The following TRPM3 variants were observed in gnomAD, a reference collection of about 807,000 sequenced individuals.
TRPM3 encodes transient receptor potential cation channel subfamily M member 3, also known as long transient receptor potential channel 3.
Under a neutral mutation model 181.2 loss-of-function variants are expected in TRPM3, and 77 were observed. The observed-to-expected ratio is 0.42, with a 90% CI of 0.35 to 0.51. The LOEUF (loss-of-function observed/expected upper bound fraction) is 0.51. Ranked by LOEUF, TRPM3 falls within the 20% of genes least tolerant of loss-of-function variation. TRPM3 has a pLI of 0.01. For missense variants in TRPM3, 1,759 were observed against 2,196.7 expected, an observed-to-expected ratio of 0.80 and a Z score of 3.98; for synonymous variants, 745 against 796.4, an observed-to-expected ratio of 0.94 and a Z score of 1.09.
At chr9:71,293,624 A>C (rs1285275348) in intron 1 of TRPM3, among the ~76,000 whole-genome samples, 1 of 151,726 alleles carries the variant, frequency 6.6e-6, no homozygotes, top group Non-Finnish European at 1.5e-5. Context: ...AAAGCTCAAT[A>C]TTGTAAAGGT....
intron 22 of TRPM3, among the ~76,000 whole-genome samples, chr9:70,566,365 G>A (rs1469702951): frequency 6.6e-6 from 1 of 152,074 alleles, no homozygotes; most frequent in Non-Finnish European, 1.5e-5. Context: ...TACATCCTGT[G>A]AGCACAAGAA....
At chr9:70,969,953 G>A (rs1463810250) in intron 1 of TRPM3, among the ~76,000 whole-genome samples, 8 of 151,764 alleles carry the variant, frequency 5.3e-5, no homozygotes, top group Admixed American at 1.3e-4. Context: ...TATAGGTCTC[G>A]ACACTATACA....
chr9:71,311,353 G>T (rs2087912437), intron 1 of TRPM3, among the ~76,000 whole-genome samples: 1 of 152,094 alleles, frequency 6.6e-6, no homozygotes, highest in South Asian at 2.1e-4. Flanking sequence ...CCAGACAGAA[G>T]AAACTGTGAG....
At chr9:70,845,396 C>T (rs904067285) in intron 4 of TRPM3, among the ~76,000 whole-genome samples, 1 of 152,014 alleles carries the variant, frequency 6.6e-6, no homozygotes, top group South Asian at 2.1e-4. Flanking sequence ...CCTGCCACCA[C>T]GCCGGGCTAA....
chr9:71,225,438 T>C (rs1460127358), intron 1 of TRPM3, among the ~76,000 whole-genome samples: 1 of 152,088 alleles, frequency 6.6e-6, no homozygotes, highest in Non-Finnish European at 1.5e-5. Flanking sequence ...CAAAAGCTAA[T>C]GGATTCCATC....
chr9:71,063,290 C>T lies in TRPM3; in HGVS notation c.177+57888G>A, dbSNP rs1047234901. On this transcript the variant is annotated intron_variant, in intron 1 of 25. Transcript: ENST00000677713. The stretch of plus-strand genomic sequence containing the variant: ...TATGCAGGTGCTCCTTGATGGTGAT[C>T]AATAGCTTAGCTGAGTACAGTTAGA... Among the ~76,000 whole-genome samples, 6 of 152,112 alleles carry T rather than the reference C, an allele frequency of 3.9e-5. No individual in the cohort carries two copies. In the East Asian group the frequency reaches 1.2e-3, roughly 29 times the overall value.
At chr9:71,368,615 T>C (rs2092414699) in intron 1 of TRPM3, among the ~76,000 whole-genome samples, 1 of 152,192 alleles carries the variant, frequency 6.6e-6, no homozygotes, top group Non-Finnish European at 1.5e-5. Context: ...TTTTTAATAA[T>C]AAATATCTCC....
At chr9:71,333,535 G>A (rs2090358497) in intron 1 of TRPM3, among the ~76,000 whole-genome samples, 1 of 151,988 alleles carries the variant, frequency 6.6e-6, no homozygotes, top group African/African-American at 2.4e-5. Flanking sequence ...GTGATAAGTT[G>A]CCCTGTGGGG....
intron 1 of TRPM3, among the ~76,000 whole-genome samples, chr9:70,881,606 A>G (rs563826848): frequency 1.3e-5 from 2 of 152,340 alleles, no homozygotes; most frequent in Admixed American, 1.3e-4. Flanking sequence ...TTTGGTAAGT[A>G]CCATCGAGTG....
intron 1 of TRPM3, among the ~76,000 whole-genome samples, chr9:70,904,411 C>G (rs1251742140): frequency 6.6e-6 from 1 of 152,206 alleles, no homozygotes; most frequent in African/African-American, 2.4e-5. Context: ...TCCACTTTCT[C>G]TAATTCACTG....
intron 1 of TRPM3, among the ~76,000 whole-genome samples, chr9:71,432,033 G>A (rs909726175): frequency 3.9e-5 from 6 of 152,140 alleles, no homozygotes; most frequent in Non-Finnish European, 8.8e-5. Context: ...CAAAGGACCC[G>A]ATTATACTCT....
At chr9:71,306,835 T>C (rs922075581) in intron 1 of TRPM3, among the ~76,000 whole-genome samples, 23 of 152,332 alleles carry the variant, frequency 1.5e-4, no homozygotes, top group Admixed American at 2.0e-4. Context: ...ATCGCGCCAC[T>C]GCACTCCAGC....
chr9:71,088,131 T>A (rs1202592008), intron 1 of TRPM3, among the ~76,000 whole-genome samples: 1 of 152,096 alleles, frequency 6.6e-6, no homozygotes, highest in Non-Finnish European at 1.5e-5. Flanking sequence ...GTAAAAAACA[T>A]GTCGGGTTAC....
chr9:71,130,061 T>C (rs112072970), intron 1 of TRPM3, among the ~76,000 whole-genome samples: 224 of 152,338 alleles, frequency 1.5e-3, no homozygotes, highest in African/African-American at 5.1e-3. Context: ...TTTTTAAACA[T>C]ATACAAACTC....
At chr9:70,650,859 C>T (rs2059513281) in intron 9 of TRPM3, among the ~76,000 whole-genome samples, 1 of 152,194 alleles carries the variant, frequency 6.6e-6, no homozygotes, top group Non-Finnish European at 1.5e-5. Context: ...TTTGCTGCCT[C>T]ATCTACTCTT....
At chr9:71,038,713 C>T (rs946060013) in intron 1 of TRPM3, among the ~76,000 whole-genome samples, 7 of 152,104 alleles carry the variant, frequency 4.6e-5, no homozygotes, top group Admixed American at 2.6e-4. Context: ...CCTTATGGAA[C>T]TTACAGTCCA....
chr9:70,832,524 A>T (rs2094008321), intron 5 of TRPM3, among the ~76,000 whole-genome samples: 1 of 152,154 alleles, frequency 6.6e-6, no homozygotes, highest in African/African-American at 2.4e-5. Context: ...TTTGACTTTG[A>T]AACAAAGAGG....
intron 1 of TRPM3, among the ~76,000 whole-genome samples, chr9:71,290,825 G>A (rs968940006): frequency 6.6e-6 from 1 of 151,362 alleles, no homozygotes; most frequent in Admixed American, 6.6e-5. Flanking sequence ...TTATTAAACT[G>A]TATAGGACCT....
At chr9:70,869,996 G>A (rs577663897) in intron 1 of TRPM3, among the ~76,000 whole-genome samples, 13 of 152,148 alleles carry the variant, frequency 8.5e-5, no homozygotes, top group African/African-American at 3.1e-4. Context: ...TTTAAAAAGT[G>A]AGTATATGAG....
Sources: gnomAD v4.1 joint callset for allele counts (sites outside exome capture counted in the v4.1 genomes callset) on GRCh38, gnomAD v4.1.1 for gene constraint, MANE v1.5 for transcripts, NCBI Gene and HGNC (gene_info 2026-07-23, HGNC 2026-07-21) for gene names.